SPOCD1: variants seen among roughly 807,000 people sequenced by gnomAD.
SPOCD1 encodes the protein SPOC domain-containing protein 1.
SPOCD1 carries 64 observed loss-of-function variants against 92.2 expected under a neutral mutation model. The ratio of observed to expected loss-of-function variants is 0.69; its 90% CI spans 0.57 to 0.86. SPOCD1 has a LOEUF of 0.86. SPOCD1 is among the 40% of genes least tolerant of loss of function. The pLI is 0.00. For synonymous variants in SPOCD1, 578 were observed against 619.3 expected (o/e 0.93, Z 0.99); for missense variants, 1,360 against 1,543.1 (o/e 0.88, Z 1.99).
At position 31,814,698 on chromosome 1, in the gene SPOCD1, T is replaced by C. The variant is rs1346906056; in HGVS notation, c.636A>G (p.Gln212=). The change falls in exon 2 of 16, where the codon CAA becomes CAG. Residue 212 remains glutamine (Q), a synonymous_variant. Transcript: ENST00000360482. This position sits in a 1 kb window ranked among gnomAD's most constrained non-coding sequence, Gnocchi z 4.2. ...PVRVRKKWRR[Q]GAHSECEEGA... ...CTTCCTCACACTCTGAATGAGCCCC[T>C]TGCCTCCTCCATTTCTTTCTTACCC... 2.5e-6 allele frequency: 4 copies of C among 1,598,282 alleles called. No individual in the cohort carries two copies. Among genetic ancestry groups the C allele is most frequent in the Admixed American group, 3.5e-5 (2 of 57,352 alleles).
chr1:31,806,329 T>C (rs1480936945), intron 2 of SPOCD1, among the ~76,000 whole-genome samples: 1 of 152,166 alleles, frequency 6.6e-6, no homozygotes, highest in Non-Finnish European at 1.5e-5. Flanking sequence ...CCAGTATACA[T>C]GCAACATATA....
chr1:31,808,999 A>C (rs1339450215), intron 2 of SPOCD1, among the ~76,000 whole-genome samples: 1 of 151,994 alleles, frequency 6.6e-6, no homozygotes, highest in Non-Finnish European at 1.5e-5. Flanking sequence ...GACCAGCCTG[A>C]CCAATATGGT....
At chr1:31,792,920 C>T (rs1647709755) in intron 13 of SPOCD1, among the ~76,000 whole-genome samples, 153 bp from the exon 14 acceptor site, 1 of 152,150 alleles carries the variant, frequency 6.6e-6, no homozygotes, top group Admixed American at 6.5e-5. Flanking sequence ...CTCTAATTGC[C>T]CCATGGAGGT....
At chr1:31,800,790 G>A (rs1300283411) in intron 3 of SPOCD1, among the ~76,000 whole-genome samples, 173 bp from the exon 4 acceptor site, 1 of 152,164 alleles carries the variant, frequency 6.6e-6, no homozygotes, top group Non-Finnish European at 1.5e-5. Flanking sequence ...GCTTGGAAAA[G>A]GCCTGGCACA....
chr1:31,798,061 C>G lies in SPOCD1; in HGVS notation c.2145+146G>C. 1 of 665,786 alleles carries G rather than the reference C, an allele frequency of 1.5e-6. No individual in the cohort carries two copies. The highest frequency in any genetic ancestry group is 1.8e-5 in the African/African-American group (1 of 56,328). 41.2% of individuals were successfully genotyped at this position (665,786 alleles called of 1,614,324 possible). A position where few individuals can be genotyped will look rare whatever the true frequency, so the allele number is the denominator to read the frequency against. ...CTTGTGGGGAGGGTCTCTCTGACTCCCTATCTGCCTTCTCTGTTTCCTTGT... is the reference window on the plus strand; with the variant it reads ...CTTGTGGGGAGGGTCTCTCTGACTCGCTATCTGCCTTCTCTGTTTCCTTGT... On this transcript the variant is annotated intron_variant, in intron 9 of 15. Transcript: ENST00000360482. This position sits in a 1 kb window ranked among gnomAD's most constrained non-coding sequence, Gnocchi z 4.1.
intron 3 of SPOCD1, among the ~76,000 whole-genome samples, 187 bp from the exon 4 acceptor site, chr1:31,800,804 T>C (rs968723874): frequency 6.6e-6 from 1 of 152,194 alleles, no homozygotes; most frequent in African/African-American, 2.4e-5. Flanking sequence ...TGGCACATAG[T>C]GTTCAGTGAA....
chr1:31,804,095 A>T (rs77022281), intron 2 of SPOCD1, among the ~76,000 whole-genome samples: 294 of 152,360 alleles, frequency 1.9e-3, no homozygotes, highest in African/African-American at 6.5e-3. Context: ...ACTCATGATA[A>T]GGAGATCCTT....
intron 2 of SPOCD1, among the ~76,000 whole-genome samples, chr1:31,811,070 G>C (rs373281407): frequency 2.0e-5 from 3 of 152,076 alleles, no homozygotes; most frequent in Non-Finnish European, 4.4e-5. Context: ...AATACAACAC[G>C]GCCAGCCTCT....
At chr1:31,799,700 TG>T in intron 6 of SPOCD1, 108 bp downstream of exon 6, 1 of 1,367,760 alleles carries the variant, frequency 7.3e-7, no homozygotes, top group African/African-American at 1.4e-5. Flanking sequence ...TGATGGGATG[TG>T]GGGAGAGAAG....
chr1:31,794,486 CT>C (rs1400809523), intron 10 of SPOCD1: 34 of 247,628 alleles, frequency 1.4e-4, no homozygotes, highest in Non-Finnish European at 2.2e-4. Flanking sequence ...CAATCTTTTT[CT>C]TTTTTTTTCT....
intron 10 of SPOCD1, 85 bp downstream of exon 10, chr1:31,796,505 G>C: frequency 6.2e-7 from 1 of 1,606,700 alleles, no homozygotes; most frequent in Non-Finnish European, 8.5e-7. Context: ...CAGGTGACAT[G>C]CCCAAGACCA....
rs1648302196 is a variant in SPOCD1, at chr1:31,799,743, G to C, written c.1783+66C>G. The C allele has an allele frequency of 3.2e-6, 5 of 1,579,628 alleles. No individual in the cohort carries two copies. In the African/African-American group the frequency reaches 6.7e-5, roughly 21 times the overall value. On this transcript the variant is annotated intron_variant, in intron 6 of 15. Transcript: ENST00000360482. ...AGCAGGGGCTGGGCCCAGGAGCTGG[G>C]CCTGAGTCCTCCCCAGACCCCAGCA... is the stretch of plus-strand genomic sequence containing the variant.
chr1:31,799,893 G>A (rs925570295), intron 5 of SPOCD1, 30 bp from the exon 6 acceptor site: 1 of 1,614,090 alleles, frequency 6.2e-7, no homozygotes, highest in Non-Finnish European at 8.5e-7. Context: ...AATTGAGGCT[G>A]TGCTGGTGGG....
intron 10 of SPOCD1, 160 bp from the exon 11 acceptor site, chr1:31,794,395 C>T (rs376863864): frequency 2.1e-6 from 1 of 480,162 alleles, no homozygotes. Context: ...TTGGAAAACA[C>T]CAAAACTTGA....
chr1:31,790,869 C>A lies in SPOCD1; in HGVS notation c.3385G>T (p.Ala1129Ser). Reference sequence around the variant, plus strand: ...TGGCCACGGCCAAAGCCATGACCAGCTGGTGCTACTGAATAGGGATGCTGG... The same window carrying A: ...TGGCCACGGCCAAAGCCATGACCAGATGGTGCTACTGAATAGGGATGCTGG... ...QSQHPYSVAP[A>S]GHGFGRGQHF... The change falls in exon 16 of 16, where the codon GCT becomes TCT. Residue 1129 changes from alanine to serine, a missense_variant. By Grantham distance (99) the Ala-to-Ser change is moderately conservative. Transcript: ENST00000360482. The A allele has an allele frequency of 6.4e-7, 1 of 1,573,832 alleles. No individual in the cohort carries two copies. Among genetic ancestry groups the A allele is most frequent in the Admixed American group, 1.8e-5 (1 of 54,894 alleles).
chr1:31,814,536 A>G lies in SPOCD1; in HGVS notation c.798T>C (p.Ser266=). The change falls in exon 2 of 16, where the codon TCT becomes TCC. Residue 266 remains serine (S), a synonymous_variant. Transcript: ENST00000360482. This position sits in a 1 kb window ranked among gnomAD's most constrained non-coding sequence, Gnocchi z 4.2. ...CRPPSPKDTG[S]GPGEPGGSGA... ...CACTTCCACCTGGCTCTCCAGGCCC[A>G]GACCCAGTGTCTTTTGGAGAGGGAG... 6.5e-7 allele frequency: 1 copy of G among 1,532,796 alleles called. No individual in the cohort carries two copies. The highest frequency in any genetic ancestry group is 8.8e-7 in the Non-Finnish European group (1 of 1,138,690). 94.9% of individuals were successfully genotyped at this position (1,532,796 alleles called of 1,614,324 possible). A position where few individuals can be genotyped will look rare whatever the true frequency, so the allele number is the denominator to read the frequency against.
Position 31,798,851 on chromosome 1 carries a change from G to A in SPOCD1, c.1869-250C>T. ...GCTTACTCACAACTGTGTAATTAGTGGCAAAAGCAAGATTTGAAACTCGAC... is the reference window on the plus strand; with the variant it reads ...GCTTACTCACAACTGTGTAATTAGTAGCAAAAGCAAGATTTGAAACTCGAC... On this transcript the variant is annotated intron_variant, in intron 7 of 15. Coordinates refer to ENST00000360482, the MANE Select transcript of SPOCD1 (RefSeq NM_144569.7). The surrounding 1 kb of genome is among the most constrained non-coding windows in gnomAD (Gnocchi z 4.1). 1 of 571,516 alleles carries A rather than the reference G, an allele frequency of 1.7e-6. No individual in the cohort carries two copies. Among genetic ancestry groups the A allele is most frequent in the Admixed American group, 3.3e-5 (1 of 30,308 alleles). The allele number at this position is 571,516 out of a possible 1,614,324, so 35.4% of individuals were successfully genotyped here.
chr1:31,793,510 T>C (rs78321262), intron 12 of SPOCD1, 82 bp from the exon 13 acceptor site: 9 of 1,532,720 alleles, frequency 5.9e-6, no homozygotes, highest in African/African-American at 4.1e-5. Flanking sequence ...TCAGAGCAGA[T>C]CCTGTGTCCC....
chr1:31,802,473 A>G (rs1648532072), intron 2 of SPOCD1, among the ~76,000 whole-genome samples: 1 of 152,228 alleles, frequency 6.6e-6, no homozygotes, highest in Non-Finnish European at 1.5e-5. Flanking sequence ...GTCTGACTCC[A>G]AAGCCCAAGC....
Sources: gnomAD v4.1 joint callset for allele counts (sites outside exome capture counted in the v4.1 genomes callset) on GRCh38, gnomAD v4.1.1 for gene constraint, Gnocchi (gnomAD v3.1) non-coding constraint, MANE v1.5 for transcripts, NCBI Gene and HGNC (gene_info 2026-07-23, HGNC 2026-07-21) for gene names.